Variants in TTC27 observed in about 807,000 individuals in gnomAD.
The protein encoded by TTC27 is tetratricopeptide repeat domain 27, also known as tetratricopeptide repeat protein 27.
In TTC27, 79 loss-of-function variants were observed where a neutral mutation model predicts 115.9. The observed-to-expected ratio is 0.68, with a 90% confidence interval of 0.57 to 0.82. The LOEUF is 0.82. TTC27 is among the 40% of genes least tolerant of loss of function. TTC27 has a pLI of 0.00. For missense variants in TTC27, 1,054 were observed against 993.1 expected, an observed-to-expected ratio of 1.06 and a Z score of -0.82; for synonymous variants, 401 against 356.0, an observed-to-expected ratio of 1.13 and a Z score of -1.42.
intron 3 of TTC27, among the ~76,000 whole-genome samples, 167 bp from the exon 4 acceptor site, chr2:32,640,103 A>G (rs1664584810): frequency 6.6e-6 from 1 of 152,220 alleles, no homozygotes; most frequent in South Asian, 2.1e-4. Context: ...TAGATGTCTA[A>G]GGGCATTTGC....
At position 32,817,776 on chromosome 2, in the gene TTC27, C is replaced by G. The variant is rs181562711; in HGVS notation, c.2409+219C>G. Among the ~76,000 whole-genome samples, 311 of 152,272 alleles carry G rather than the reference C, an allele frequency of 2.0e-3. 3 individuals are homozygous for G. Among genetic ancestry groups the G allele is most frequent in the African/African-American group, 7.3e-3 (304 of 41,550 alleles). On this transcript the variant is annotated intron_variant, in intron 19 of 19. Transcript: ENST00000317907. ...ATGACTTAAGAGTCTTTGAAATTGT[C>G]TGGGTGCAGTGGCTCATGCCTGTAA...
At chr2:32,693,773 C>T (rs1054995226) in intron 9 of TTC27, among the ~76,000 whole-genome samples, 2 of 152,076 alleles carry the variant, frequency 1.3e-5, no homozygotes, top group African/African-American at 4.8e-5. Context: ...ATCTTTGAGA[C>T]CTTAGGACAG....
At chr2:32,650,338 C>A in intron 5 of TTC27, 105 bp downstream of exon 5, 9 of 344,782 alleles carry the variant, frequency 2.6e-5, no homozygotes, top group East Asian at 5.6e-5. Context: ...AGTGCCTTTT[C>A]GTTTTGAGTT....
At chr2:32,742,751 T>C (rs1319402640) in intron 12 of TTC27, among the ~76,000 whole-genome samples, 1 of 152,204 alleles carries the variant, frequency 6.6e-6, no homozygotes, top group Non-Finnish European at 1.5e-5. Context: ...GTAGAGCACC[T>C]TTCAGTGGTC....
At chr2:32,782,293 T>C (rs995790048) in intron 14 of TTC27, among the ~76,000 whole-genome samples, 1 of 152,174 alleles carries the variant, frequency 6.6e-6, no homozygotes, top group Non-Finnish European at 1.5e-5. Context: ...AAAAACAGTA[T>C]ACTGCATTGC....
intron 13 of TTC27, among the ~76,000 whole-genome samples, chr2:32,758,906 C>T (rs1038328063): frequency 1.3e-5 from 2 of 151,856 alleles, no homozygotes; most frequent in African/African-American, 4.8e-5. Flanking sequence ...GAAAGAAAAA[C>T]CTTTATATAA....
chr2:32,657,320 C>G (rs1339996170), intron 5 of TTC27, among the ~76,000 whole-genome samples: 2 of 150,352 alleles, frequency 1.3e-5, no homozygotes, highest in African/African-American at 4.9e-5. Context: ...TCCAGAGAAT[C>G]TCTTAAATGG....
chr2:32,702,040 A>C (rs1037679949), intron 9 of TTC27, among the ~76,000 whole-genome samples: 1 of 151,826 alleles, frequency 6.6e-6, no homozygotes, highest in Non-Finnish European at 1.5e-5. Flanking sequence ...AACAAAAAAA[A>C]CCAGCTACCA....
At chr2:32,763,855 T>A (rs1180615897) in intron 13 of TTC27, among the ~76,000 whole-genome samples, 1 of 152,210 alleles carries the variant, frequency 6.6e-6, no homozygotes, top group East Asian at 1.9e-4. Flanking sequence ...TTCTGAGGTT[T>A]GCGGGATAGT....
chr2:32,741,003 T>G (rs1668615325), intron 12 of TTC27, among the ~76,000 whole-genome samples: 1 of 152,188 alleles, frequency 6.6e-6, no homozygotes, highest in Non-Finnish European at 1.5e-5. Context: ...CATTTTCTCC[T>G]TCTTTTACTC....
intron 16 of TTC27, among the ~76,000 whole-genome samples, chr2:32,810,295 G>A (rs1291969866): frequency 6.6e-6 from 1 of 152,148 alleles, no homozygotes; most frequent in Non-Finnish European, 1.5e-5. Flanking sequence ...GGAAGTTAAT[G>A]AGGCCTGAAC....
At chr2:32,812,738 A>G (rs764610771) in intron 18 of TTC27, 123 bp downstream of exon 18, 8 of 693,248 alleles carry the variant, frequency 1.2e-5, no homozygotes, top group Non-Finnish European at 2.0e-5. Context: ...TTATATTGAC[A>G]TTGTTGTATT....
intron 16 of TTC27, among the ~76,000 whole-genome samples, chr2:32,793,854 G>T (rs1240637109): frequency 6.6e-6 from 1 of 151,824 alleles, no homozygotes; most frequent in Non-Finnish European, 1.5e-5. Flanking sequence ...TGTACTCTTT[G>T]TTTTCCATAT....
In TTC27 at chr2:32,773,048, C is replaced by T. The variant is rs183417952; in HGVS notation, c.1681-4834C>T. On this transcript the variant is annotated intron_variant, in intron 13 of 19. Transcript: ENST00000317907. ...GAGGGAAATTCAAAGAAACCATGCTCTCAACCTTTTGAGTTCTTTGTGAAT... is the reference window on the plus strand; with the variant it reads ...GAGGGAAATTCAAAGAAACCATGCTTTCAACCTTTTGAGTTCTTTGTGAAT... 1.3e-3 allele frequency among the ~76,000 whole-genome samples: 198 copies of T among 152,344 alleles called. 1 individual carries two copies. The highest frequency in any genetic ancestry group is 3.3e-3 in the Admixed American group (50 of 15,304).
In TTC27 at chr2:32,666,780, A is replaced by T; in HGVS notation, c.939+12A>T. ...AACATTTAACCAAGGCAAGTAGGAC[A>T]TTAAGTTATTAAATTCAATTAACAC... On this transcript the variant is annotated intron_variant, in intron 7 of 19. Coordinates refer to ENST00000317907, the MANE Select transcript of TTC27 (RefSeq NM_017735.5). 6.2e-7 allele frequency: 1 copy of T among 1,610,040 alleles called. No individual in the cohort carries two copies. The highest frequency in any genetic ancestry group is 1.1e-5 in the South Asian group (1 of 90,116).
At chr2:32,665,052 G>C (rs964987110) in intron 6 of TTC27, among the ~76,000 whole-genome samples, 7 of 150,664 alleles carry the variant, frequency 4.6e-5, no homozygotes, top group Non-Finnish European at 1.0e-4. Context: ...TCACCATGTT[G>C]GCCAGGCTGG....
chr2:32,700,220 C>T (rs947002421), intron 9 of TTC27, among the ~76,000 whole-genome samples: 2 of 152,158 alleles, frequency 1.3e-5, no homozygotes, highest in African/African-American at 4.8e-5. Context: ...TTCTTACTTA[C>T]TTAATGCTCC....
At chr2:32,756,351 A>G (rs1247410004) in intron 12 of TTC27, among the ~76,000 whole-genome samples, 1 of 152,242 alleles carries the variant, frequency 6.6e-6, no homozygotes, top group Non-Finnish European at 1.5e-5. Context: ...TTTATAGGTG[A>G]CTAGAGTTAT....
At chr2:32,632,309 G>A (rs2151858239) in intron 2 of TTC27, among the ~76,000 whole-genome samples, 1 of 151,940 alleles carries the variant, frequency 6.6e-6, no homozygotes, top group African/African-American at 2.4e-5. Context: ...CCGCCCGGCT[G>A]GATTCTCATT....
Sources: gnomAD v4.1 joint callset for allele counts (sites outside exome capture counted in the v4.1 genomes callset) on GRCh38, gnomAD v4.1.1 for gene constraint, MANE v1.5 for transcripts, NCBI Gene and HGNC (gene_info 2026-07-23, HGNC 2026-07-21) for gene names.